PROM1: variants seen among roughly 807,000 people sequenced by gnomAD.
The protein encoded by PROM1 is prominin 1.
A neutral mutation model predicts 116.9 loss-of-function variants in PROM1; 105 were observed. The ratio of observed to expected loss-of-function variants is 0.90; its 90% CI spans 0.77 to 1.06. PROM1 has a LOEUF of 1.06. Ranked by LOEUF, PROM1 falls within the 50% of genes least tolerant of loss-of-function variation. PROM1 has a pLI of 0.00. For synonymous variants in PROM1, 393 were observed against 387.0 expected, an observed-to-expected ratio of 1.02 and a Z score of -0.18; for missense variants, 1,122 against 1,045.2, an observed-to-expected ratio of 1.07 and a Z score of -1.01.
intron 1 of PROM1, among the ~76,000 whole-genome samples, chr4:16,078,718 T>C (rs1213814599): frequency 6.6e-6 from 1 of 152,190 alleles, no homozygotes; most frequent in Admixed American, 6.5e-5. Context: ...GTGACATACT[T>C]TGCAAGAAGC....
chr4:16,023,466 C>T (rs1730431270), intron 7 of PROM1, 51 bp from the exon 8 acceptor site: 1 of 1,374,492 alleles, frequency 7.3e-7, no homozygotes, highest in Admixed American at 2.0e-5. Flanking sequence ...GCTCATCTCT[C>T]CACCCCTCCC....
intron 9 of PROM1, 27 bp from the exon 10 acceptor site, chr4:16,016,267 G>T: frequency 5.2e-6 from 8 of 1,525,270 alleles, no homozygotes; most frequent in South Asian, 1.2e-5. Flanking sequence ...CAAAATATAA[G>T]ACAAGGTTGT....
chr4:16,072,954 T>C (rs910908994), intron 2 of PROM1, among the ~76,000 whole-genome samples: 1 of 152,134 alleles, frequency 6.6e-6, no homozygotes, highest in African/African-American at 2.4e-5. Context: ...TATGATTTCA[T>C]CTTCTACCCG....
intron 12 of PROM1, among the ~76,000 whole-genome samples, chr4:16,008,066 T>G (rs947996918): frequency 1.3e-5 from 2 of 152,164 alleles, no homozygotes; most frequent in Non-Finnish European, 2.9e-5. Context: ...GTGCAGAAAG[T>G]GCTTGGTGGG....
chr4:16,001,506 G>C (rs73122460), intron 13 of PROM1, among the ~76,000 whole-genome samples: 4,103 of 152,236 alleles, frequency 0.027, 163 homozygotes, highest in East Asian at 0.11. Context: ...GTGGAAGGAG[G>C]GGCCAGCAAA....
At chr4:16,012,987 T>C (rs1727310164) in intron 11 of PROM1, among the ~76,000 whole-genome samples, 2 of 152,092 alleles carry the variant, frequency 1.3e-5, no homozygotes, top group African/African-American at 2.4e-5. Flanking sequence ...CTGTGGCTGC[T>C]GTAAGATCTG....
intron 2 of PROM1, among the ~76,000 whole-genome samples, chr4:16,057,525 G>T (rs1250481782): frequency 6.6e-6 from 1 of 152,190 alleles, no homozygotes; most frequent in Non-Finnish European, 1.5e-5. Context: ...GAGCTAAGAA[G>T]CTTCTTCTCC....
At chr4:16,043,109 T>A (rs1735719588) in intron 2 of PROM1, among the ~76,000 whole-genome samples, 1 of 152,240 alleles carries the variant, frequency 6.6e-6, no homozygotes, top group Admixed American at 6.5e-5. Context: ...TAAATATTGA[T>A]AAACAAAATC....
intron 5 of PROM1, among the ~76,000 whole-genome samples, chr4:16,028,171 A>G (rs147987605): frequency 1.3e-5 from 2 of 152,308 alleles, no homozygotes; most frequent in African/African-American, 2.4e-5. Context: ...AAGAAAAAAA[A>G]TCTCTACTAA....
At chr4:16,079,274 A>G (rs1476808610) in intron 1 of PROM1, 2 of 152,220 alleles carry the variant, frequency 1.3e-5, no homozygotes, top group African/African-American at 4.8e-5. Flanking sequence ...CTCAGTGACA[A>G]AGCAGGGGAA....
At chr4:16,024,246 G>T in intron 7 of PROM1, 49 bp downstream of exon 7, 1 of 1,489,028 alleles carries the variant, frequency 6.7e-7, no homozygotes, top group South Asian at 1.2e-5. Flanking sequence ...TATGGGAGAT[G>T]AGTCAAAACA....
intron 13 of PROM1, among the ~76,000 whole-genome samples, chr4:16,005,810 C>T (rs147391874): frequency 9.8e-5 from 15 of 152,324 alleles, no homozygotes; most frequent in Non-Finnish European, 1.6e-4. Context: ...ACACAGCTCT[C>T]TCCCTGCAGA....
intron 13 of PROM1, among the ~76,000 whole-genome samples, chr4:16,004,402 T>G (rs1724645061): frequency 6.6e-6 from 1 of 152,220 alleles, no homozygotes; most frequent in Admixed American, 6.5e-5. Context: ...CTCTGTTTTA[T>G]TTTTTCTTTC....
chr4:16,032,822 T>C (rs538694982), intron 5 of PROM1, among the ~76,000 whole-genome samples: 2 of 152,254 alleles, frequency 1.3e-5, no homozygotes, highest in Admixed American at 6.5e-5. Flanking sequence ...AAAAGAAAAA[T>C]GAGTTTATTA....
At chr4:16,016,346 A>G in intron 9 of PROM1, 106 bp from the exon 10 acceptor site, 1 of 870,108 alleles carries the variant, frequency 1.1e-6, no homozygotes. Flanking sequence ...CATCTATACT[A>G]CAGGGTACAA....
At position 16,058,566 on chromosome 4, in the gene PROM1, G is replaced by T. The variant is rs145342303; in HGVS notation, c.220+17121C>A. Among the ~76,000 whole-genome samples the T allele has an allele frequency of 5.3e-5, 8 of 151,332 alleles. No individual in the cohort carries two copies. In the East Asian group the frequency reaches 1.6e-3, roughly 30 times the overall value. On this transcript the variant is annotated intron_variant, in intron 2 of 27. Coordinates refer to ENST00000447510, the MANE Select transcript of PROM1 (RefSeq NM_006017.3). ...GGAGGCTGAGGCAGGAGAATTGCCTGAACCCAGGAGGCAGAGGTTGCAGCG... is the reference window on the plus strand; with the variant it reads ...GGAGGCTGAGGCAGGAGAATTGCCTTAACCCAGGAGGCAGAGGTTGCAGCG...
chr4:16,045,405 A>T (rs1038030329), intron 2 of PROM1, among the ~76,000 whole-genome samples: 2 of 152,198 alleles, frequency 1.3e-5, no homozygotes, highest in Non-Finnish European at 2.9e-5. Flanking sequence ...AGCGAGCCGC[A>T]GTCCCCAGAC....
intron 15 of PROM1, 41 bp downstream of exon 15, chr4:15,998,344 A>C: frequency 6.7e-7 from 1 of 1,503,398 alleles, no homozygotes; most frequent in Non-Finnish European, 8.8e-7. Context: ...CCAGAAAAAG[A>C]ACATCTTAAA....
In PROM1 at chr4:15,979,440, T is replaced by G; in HGVS notation, c.2537A>C (p.Tyr846Ser). ...MKNMENGNNG[Y>S]HKDHVYGIHN... ...AATACCATATACATGATCTTTATGA[T>G]AACCATTATTACCATTTTCCATACT... The change falls in exon 26 of 28, where the codon TAT becomes TCT. Residue 846 changes from tyrosine to serine, a missense_variant. Tyr to Ser is a moderately radical substitution (Grantham distance 144, BLOSUM62 -2). Coordinates refer to ENST00000447510, the MANE Select transcript of PROM1 (RefSeq NM_006017.3). The G allele has an allele frequency of 6.2e-7, 1 of 1,612,260 alleles. No individual in the cohort carries two copies. Among genetic ancestry groups the G allele is most frequent in the Admixed American group, 1.7e-5 (1 of 59,640 alleles).
Sources: allele counts gnomAD v4.1 joint callset (sites outside exome capture counted in the v4.1 genomes callset), GRCh38; gene constraint gnomAD v4.1.1; transcripts MANE v1.5; gene names NCBI Gene and HGNC (gene_info 2026-07-23, HGNC 2026-07-21).